Variants in KIF26B observed in about 807,000 individuals in gnomAD.
KIF26B encodes kinesin family member 26B, also known as kinesin-like protein KIF26B.
In KIF26B, 63 loss-of-function variants were observed where a neutral mutation model predicts 151.2. That is an observed-to-expected ratio of 0.42 (90% CI 0.34 to 0.51). The LOEUF (loss-of-function observed/expected upper bound fraction) is 0.51. KIF26B is among the 20% of genes least tolerant of loss of function. KIF26B has a pLI of 0.07. For synonymous variants in KIF26B, 1,357 were observed against 1,262.1 expected (o/e 1.08, Z -1.59); for missense variants, 2,813 against 2,913.6 (o/e 0.97, Z 0.79).
At chr1:245,604,148 A>G (rs2043425712) in intron 6 of KIF26B, among the ~76,000 whole-genome samples, 1 of 152,246 alleles carries the variant, frequency 6.6e-6, no homozygotes, top group South Asian at 2.1e-4. Flanking sequence ...AATATAGCCT[A>G]CTTTGCCTGG....
chr1:245,201,825 A>G (rs1669305282), intron 2 of KIF26B, among the ~76,000 whole-genome samples: 1 of 152,102 alleles, frequency 6.6e-6, no homozygotes, highest in Non-Finnish European at 1.5e-5. Context: ...TTTAATAGGG[A>G]TCCTTTTTAC....
At chr1:245,432,159 T>G (rs1209486318) in intron 4 of KIF26B, among the ~76,000 whole-genome samples, 2 of 152,134 alleles carry the variant, frequency 1.3e-5, no homozygotes, top group African/African-American at 4.8e-5. Flanking sequence ...TTAGGAATAT[T>G]TGCTGAATGA....
At chr1:245,298,192 G>A (rs1250717501) in intron 2 of KIF26B, among the ~76,000 whole-genome samples, 2 of 152,120 alleles carry the variant, frequency 1.3e-5, no homozygotes, top group Non-Finnish European at 2.9e-5. Flanking sequence ...CAGCCCTAAT[G>A]TTCTAACTCA....
chr1:245,233,416 G>A (rs561495168), intron 2 of KIF26B, among the ~76,000 whole-genome samples: 36 of 152,246 alleles, frequency 2.4e-4, no homozygotes, highest in Non-Finnish European at 4.4e-4. Flanking sequence ...TTAGTACCTT[G>A]CTACTCAAAG....
intron 2 of KIF26B, among the ~76,000 whole-genome samples, chr1:245,242,734 C>T (rs748926336): frequency 1.2e-4 from 19 of 152,148 alleles, no homozygotes; most frequent in Non-Finnish European, 1.9e-4. Flanking sequence ...TCACTGCATC[C>T]TCTGTCTCCC....
intron 2 of KIF26B, among the ~76,000 whole-genome samples, chr1:245,264,402 G>A (rs950477507): frequency 6.6e-6 from 1 of 152,128 alleles, no homozygotes; most frequent in Non-Finnish European, 1.5e-5. Context: ...TGGATTTGTG[G>A]TTAAACATAT....
At chr1:245,646,019 C>T (rs1218428397) in intron 9 of KIF26B, 102 bp from the exon 10 acceptor site, 2 of 1,254,324 alleles carry the variant, frequency 1.6e-6, no homozygotes, top group Non-Finnish European at 2.2e-6. Context: ...CTTTTACTTC[C>T]CCTTCTCATT....
intron 2 of KIF26B, among the ~76,000 whole-genome samples, chr1:245,234,800 C>T (rs548222353): frequency 3.2e-4 from 49 of 152,160 alleles, no homozygotes; most frequent in Non-Finnish European, 1.6e-4. Flanking sequence ...TTCCAGGCCT[C>T]GCAACACCGG....
At chr1:245,276,041 G>A (rs915582303) in intron 2 of KIF26B, among the ~76,000 whole-genome samples, 6 of 152,012 alleles carry the variant, frequency 3.9e-5, no homozygotes, top group African/African-American at 1.4e-4. Flanking sequence ...CTCTTTTGTT[G>A]CTTTAAAAAT....
At chr1:245,630,034 A>G (rs1464881718) in intron 9 of KIF26B, among the ~76,000 whole-genome samples, 1 of 152,252 alleles carries the variant, frequency 6.6e-6, no homozygotes, top group African/African-American at 2.4e-5. Context: ...ACAATGTGAT[A>G]CCATCTCATG....
chr1:245,392,565 C>G (rs1228700081), intron 3 of KIF26B, among the ~76,000 whole-genome samples: 1 of 152,122 alleles, frequency 6.6e-6, no homozygotes, highest in African/African-American at 2.4e-5. Flanking sequence ...GGTCTTAGAG[C>G]TTCTGATGTT....
chr1:245,400,488 G>GTTTTTT (rs11407193), intron 3 of KIF26B, among the ~76,000 whole-genome samples: 1 of 123,864 alleles, frequency 8.1e-6, no homozygotes, highest in Non-Finnish European at 1.6e-5. Context: ...TAGATAGTGA[G>GTTTTTT]TTTTTTTTTT....
chr1:245,704,024 A>G lies in KIF26B; in HGVS notation c.*1418A>G, dbSNP rs2044808611. The G allele has an allele frequency of 1.3e-5, 2 of 151,352 alleles. No homozygotes were observed. 9.4% of individuals were successfully genotyped at this position (151,352 alleles called of 1,614,324 possible). On this transcript the variant is annotated 3_prime_UTR_variant, in exon 15 of 15. Transcript: ENST00000407071. ...AAATTCAGATGTTCCTCCCTATAAC[A>G]ATTCCCTTAGGAATTATGATACCCA... is the stretch of plus-strand genomic sequence containing the variant.
chr1:245,579,922 A>G (rs1310954056), intron 5 of KIF26B, among the ~76,000 whole-genome samples: 1 of 151,858 alleles, frequency 6.6e-6, no homozygotes, highest in Non-Finnish European at 1.5e-5. Context: ...CCCTTGGAGG[A>G]ACAGTGGTGG....
At chr1:245,527,524 CTTTTTTTTTTTTTTTT>C (rs548422038) in intron 4 of KIF26B, among the ~76,000 whole-genome samples, 2 of 50,710 alleles carry the variant, frequency 3.9e-5, no homozygotes, top group African/African-American at 2.0e-4. Flanking sequence ...TTTGGGATGG[CTTTTTTTTTTTTTTTT>C]TTTTTTTTTT....
At chr1:245,485,966 G>A (rs1660272430) in intron 4 of KIF26B, among the ~76,000 whole-genome samples, 1 of 152,178 alleles carries the variant, frequency 6.6e-6, no homozygotes, top group East Asian at 1.9e-4. Flanking sequence ...TTTCGTGGTG[G>A]CAACCCCGTC....
At chr1:245,285,657 A>T (rs75889545) in intron 2 of KIF26B, among the ~76,000 whole-genome samples, 2 of 130,120 alleles carry the variant, frequency 1.5e-5, no homozygotes, top group South Asian at 4.9e-4. Flanking sequence ...AAAAAAAAAA[A>T]GGCCAAGTGT....
intron 2 of KIF26B, among the ~76,000 whole-genome samples, chr1:245,257,998 G>A (rs933255991): frequency 5.3e-5 from 8 of 151,916 alleles, no homozygotes; most frequent in Non-Finnish European, 1.0e-4. Context: ...CTCCAGCCTG[G>A]TGACAGAGTG....
intron 2 of KIF26B, among the ~76,000 whole-genome samples, chr1:245,257,353 C>A (rs1454454984): frequency 3.3e-5 from 5 of 152,224 alleles, no homozygotes; most frequent in African/African-American, 1.2e-4. Flanking sequence ...GTGTCACAGG[C>A]CACGGTCACT....
Sources: gnomAD v4.1 joint callset for allele counts (sites outside exome capture counted in the v4.1 genomes callset) on GRCh38, gnomAD v4.1.1 for gene constraint, MANE v1.5 for transcripts, NCBI Gene and HGNC (gene_info 2026-07-23, HGNC 2026-07-21) for gene names.